Variants in EMC10 observed in about 807,000 individuals in gnomAD.
EMC10 encodes UPF0510 protein INM02.
Under a neutral mutation model 32.2 loss-of-function variants are expected in EMC10, and 40 were observed. The observed-to-expected ratio is 1.24, with a 90% CI of 0.96 to 1.61. The LOEUF (loss-of-function observed/expected upper bound fraction) is 1.61, where lower values mean the gene tolerates loss of function less well. Ranked by LOEUF, EMC10 falls within the 40% of genes most tolerant of loss-of-function variation. The pLI is 0.00. For missense variants in EMC10, 402 were observed against 357.7 expected, an observed-to-expected ratio of 1.12 and a Z score of -1.00; for synonymous variants, 178 against 158.4, an observed-to-expected ratio of 1.12 and a Z score of -0.93.
rs956930981 is a variant in EMC10, at chr19:50,489,039, G to C, written c.*6780G>C. 3.4e-5 allele frequency: 5 copies of C among 146,840 alleles called. No individual in the cohort carries two copies. Among genetic ancestry groups the C allele is most frequent in the African/African-American group, 1.4e-4 (5 of 36,946 alleles). 9.1% of individuals were successfully genotyped at this position (146,840 alleles called of 1,614,324 possible). The stretch of plus-strand genomic sequence containing the variant: ...GGAGAGAGAAAGAGGGAGGGAAGGA[G>C]GGTAGGAGAGGGCTGGAGATAGGGG... On this transcript the variant is annotated 3_prime_UTR_variant, in exon 7 of 7. Coordinates refer to ENST00000334976, the MANE Select transcript of EMC10 (RefSeq NM_206538.4).
At position 50,476,869 on chromosome 19, in the gene EMC10, C is replaced by T. The variant is rs2040233396; in HGVS notation, c.114+211C>T. 4 of 451,520 alleles carry T rather than the reference C, an allele frequency of 8.9e-6. No individual in the cohort carries two copies. The Admixed American group carries it at 1.6e-4, about 18-fold the overall frequency. 28.0% of individuals were successfully genotyped at this position (451,520 alleles called of 1,614,324 possible). On this transcript the variant is annotated intron_variant, in intron 1 of 6. Coordinates refer to ENST00000334976, the MANE Select transcript of EMC10 (RefSeq NM_206538.4). ...GGACTGGGTGGGAGGACAAGCGCAC[C>T]TGTCGGAAGGCTCTGGCTCGGGAAT...
Position 50,480,731 on chromosome 19 carries a change from GTGCAGCTGCAGC to G in EMC10, c.554_565del (p.Val185_Pro189delinsAla). 6.2e-7 allele frequency: 1 copy of G among 1,602,164 alleles called. No homozygotes were observed. The highest frequency in any genetic ancestry group is 1.7e-4 in the Middle Eastern group (1 of 6,012). On this transcript the variant is annotated inframe_deletion, in exon 5 of 7. Transcript: ENST00000334976. The surrounding 1 kb of genome is among the most constrained non-coding windows in gnomAD (Gnocchi z 4.4). ...GGACCTGGAGCTGTTCAACACCTCG[GTGCAGCTGCAGC>G]CGCCCACCACAGCCCCAGGGTGAGC...
Position 50,484,657 on chromosome 19 carries a change from G to A in EMC10, c.*2398G>A, listed in dbSNP as rs149067861. On this transcript the variant is annotated 3_prime_UTR_variant, in exon 7 of 7. Transcript: ENST00000334976. The stretch of plus-strand genomic sequence containing the variant: ...ATTGACCGGGTTATCCAGGGATGAA[G>A]TATGAAACTCAAAAGATAGAGTAGG... 1.5e-3 allele frequency: 232 copies of A among 152,228 alleles called. No homozygotes were observed. Among genetic ancestry groups the A allele is most frequent in the African/African-American group, 5.3e-3 (221 of 41,528 alleles). The allele number at this position is 152,228 out of a possible 1,614,324, so 9.4% of individuals were successfully genotyped here. A position where few individuals can be genotyped will look rare whatever the true frequency, so the allele number is the denominator to read the frequency against.
Position 50,488,413 on chromosome 19 carries a change from G to A in EMC10, c.*6154G>A, listed in dbSNP as rs55780761. ...AGTGGAAAGAGAAGAAAAAACAGAAGAGGAAAGAAAGACGAGGGGGTGAAA... is the reference window on the plus strand; with the variant it reads ...AGTGGAAAGAGAAGAAAAAACAGAAAAGGAAAGAAAGACGAGGGGGTGAAA... On this transcript the variant is annotated 3_prime_UTR_variant, in exon 7 of 7. Transcript: ENST00000334976. The A allele has an allele frequency of 0.33, 48,952 of 149,626 alleles. 8,209 individuals carry two copies. Among genetic ancestry groups the A allele is most frequent in the South Asian group, 0.42 (1,958 of 4,676 alleles). 9.3% of individuals were successfully genotyped at this position (149,626 alleles called of 1,614,324 possible).
rs1200713304 is a variant in EMC10, at chr19:50,480,498, G to T, written c.403-83G>T. The T allele has an allele frequency of 6.8e-7, 1 of 1,468,132 alleles. No individual in the cohort carries two copies. The highest frequency in any genetic ancestry group is 9.2e-7 in the Non-Finnish European group (1 of 1,089,588). The allele number at this position is 1,468,132 out of a possible 1,614,324, so 90.9% of individuals were successfully genotyped here. On this transcript the variant is annotated intron_variant, in intron 4 of 6. Coordinates refer to ENST00000334976, the MANE Select transcript of EMC10 (RefSeq NM_206538.4). This position sits in a 1 kb window ranked among gnomAD's most constrained non-coding sequence, Gnocchi z 4.4. Reference sequence around the variant, plus strand: ...GAAGGTTTTGAAAAATGCTCCGGGGGTCCTGTGGTGGGGGCCGGGGGAGGT... The same window carrying T: ...GAAGGTTTTGAAAAATGCTCCGGGGTTCCTGTGGTGGGGGCCGGGGGAGGT...
chr19:50,479,041 GCGAGGA>G lies in EMC10; in HGVS notation c.273_278del (p.Ser91_Glu93delinsArg). On this transcript the variant is annotated inframe_deletion, in exon 3 of 7. Coordinates refer to ENST00000334976, the MANE Select transcript of EMC10 (RefSeq NM_206538.4). The stretch of plus-strand genomic sequence containing the variant: ...TTGTCCCTGTCACAGCGGCAGCTCA[GCGAGGA>G]GGAGCGGGGCCGACTCCGGGTGAGG... 2 of 1,608,252 alleles carry G rather than the reference GCGAGGA, an allele frequency of 1.2e-6. No homozygotes were observed. The highest frequency in any genetic ancestry group is 1.7e-6 in the Non-Finnish European group (2 of 1,178,348).
rs1174518650 is a variant in EMC10 at position 50,480,435 on chromosome 19, C to T, written c.403-146C>T. On this transcript the variant is annotated intron_variant, in intron 4 of 6. Coordinates refer to ENST00000334976, the MANE Select transcript of EMC10 (RefSeq NM_206538.4). This position sits in a 1 kb window ranked among gnomAD's most constrained non-coding sequence, Gnocchi z 4.4. ...ATTGTGAGGACTCCCGGGTGGGGGGCGGTTGAACTTGGGCCTGAGGGTAAC... is the reference window on the plus strand; with the variant it reads ...ATTGTGAGGACTCCCGGGTGGGGGGTGGTTGAACTTGGGCCTGAGGGTAAC... 1.4e-5 allele frequency: 15 copies of T among 1,042,156 alleles called. No individual in the cohort carries two copies. The Middle Eastern group carries it at 6.6e-4, about 46-fold the overall frequency. The allele number at this position is 1,042,156 out of a possible 1,614,324, so 64.6% of individuals were successfully genotyped here.
Position 50,476,512 on chromosome 19 carries a change from C to G in EMC10, c.-33C>G. ...GGCGTGCTCCGCGGCTCTTGGCTCA[C>G]AGCCGTCCCTTCGCTGGTGGGAAGA... On this transcript the variant is annotated 5_prime_UTR_variant, in exon 1 of 7. Transcript: ENST00000334976. 6.4e-7 allele frequency: 1 copy of G among 1,570,544 alleles called. No homozygotes were observed. Among genetic ancestry groups the G allele is most frequent in the Non-Finnish European group, 8.6e-7 (1 of 1,163,934 alleles).
chr19:50,481,668 G>T, intron 6 of EMC10: 1 of 579,014 alleles, frequency 1.7e-6, no homozygotes, highest in Non-Finnish European at 3.0e-6. Context: ...TGTGCTGAGT[G>T]CCCTGCCTGA....
rs762821862 is a variant in EMC10 at position 50,480,782 on chromosome 19, G to A, written c.584+20G>A. ...CCCAGGGTGAGCCTCTGCTGCCTTC[G>A]CGGCGCTCTTGCCACCTGCCCCGGC... On this transcript the variant is annotated intron_variant, in intron 5 of 6. Coordinates refer to ENST00000334976, the MANE Select transcript of EMC10 (RefSeq NM_206538.4). The surrounding 1 kb of genome is among the most constrained non-coding windows in gnomAD (Gnocchi z 4.4). 12 of 1,572,436 alleles carry A rather than the reference G, an allele frequency of 7.6e-6. No individual in the cohort carries two copies. Among genetic ancestry groups the A allele is most frequent in the South Asian group, 3.5e-5 (3 of 84,692 alleles).
intron 1 of EMC10, 129 bp from the exon 2 acceptor site, chr19:50,477,800 C>G: frequency 1.6e-6 from 1 of 613,738 alleles, no homozygotes; most frequent in Non-Finnish European, 2.8e-6. Context: ...TAAAGGCAAG[C>G]AGCAGTGATT....
chr19:50,479,985 C>T (rs2040290666), intron 3 of EMC10, 126 bp from the exon 4 acceptor site: 1 of 755,274 alleles, frequency 1.3e-6, no homozygotes, highest in African/African-American at 1.8e-5. Flanking sequence ...GTTGGCTGGC[C>T]TGGGGAGTGT....
Position 50,480,144 on chromosome 19 carries a change from C to T in EMC10, c.331C>T (p.Arg111Trp), listed in dbSNP as rs569914780. 24 of 1,613,202 alleles carry T rather than the reference C, an allele frequency of 1.5e-5. No individual in the cohort carries two copies. Among genetic ancestry groups the T allele is most frequent in the South Asian group, 5.5e-5 (5 of 90,746 alleles). ...VAALNGLYRV[R>W]IPRRPGALDG... ...AGCCCTGAATGGCCTGTACCGGGTC[C>T]GGATCCCAAGGCGACCCGGGGCCCT... Residue 111 changes from arginine to tryptophan, a missense_variant, in exon 4 of 7, where the codon CGG becomes TGG. Arg to Trp is a moderately radical substitution (Grantham distance 101, BLOSUM62 -3). Transcript: ENST00000334976. This position sits in a 1 kb window ranked among gnomAD's most constrained non-coding sequence, Gnocchi z 4.4.
chr19:50,480,821 C>T lies in EMC10; in HGVS notation c.584+59C>T. ...ACCTGCCCCGGCCCTTCCTGGCGGCCTCAGGGTCTCCAGGTCCCTGGACTC... is the reference window on the plus strand; with the variant it reads ...ACCTGCCCCGGCCCTTCCTGGCGGCTTCAGGGTCTCCAGGTCCCTGGACTC... On this transcript the variant is annotated intron_variant, in intron 5 of 6. Transcript: ENST00000334976. The surrounding 1 kb of genome is among the most constrained non-coding windows in gnomAD (Gnocchi z 4.4). The T allele has an allele frequency of 1.3e-6, 2 of 1,567,052 alleles. No individual in the cohort carries two copies. Among genetic ancestry groups the T allele is most frequent in the Non-Finnish European group, 1.7e-6 (2 of 1,153,394 alleles).
At chr19:50,477,890 T>TG (rs1376808808) in intron 1 of EMC10, 39 bp from the exon 2 acceptor site, 2 of 1,562,438 alleles carry the variant, frequency 1.3e-6, no homozygotes, top group African/African-American at 2.8e-5. Flanking sequence ...GCTGAGGGCT[T>TG]GGGTGGTCCT....
rs1978473950 is a variant in EMC10, at chr19:50,488,544, G to T, written c.*6285G>T. ...GAAGGAGGGAGCGTCCTAGGGAGAA[G>T]TGGGTGGGGGAGAGGGTGTTGGGGG... On this transcript the variant is annotated 3_prime_UTR_variant, in exon 7 of 7. Coordinates refer to ENST00000334976, the MANE Select transcript of EMC10 (RefSeq NM_206538.4). 6.9e-6 allele frequency: 1 copy of T among 144,608 alleles called. No homozygotes were observed. Among genetic ancestry groups the T allele is most frequent in the South Asian group, 2.3e-4 (1 of 4,336 alleles). 9.0% of individuals were successfully genotyped at this position (144,608 alleles called of 1,614,324 possible).
At chr19:50,481,483 G>C in intron 6 of EMC10, 1 of 268,044 alleles carries the variant, frequency 3.7e-6, no homozygotes. Context: ...GCGTGGGGTG[G>C]GGAGGCTGGG....
At chr19:50,481,967 C>T (rs368997833) in intron 6 of EMC10, 182 bp from the exon 7 acceptor site, 7 of 1,607,002 alleles carry the variant, frequency 4.4e-6, no homozygotes, top group East Asian at 2.2e-5. Flanking sequence ...GAGACCCCTG[C>T]CCCTCCCTGC....
chr19:50,481,944 C>G (rs1253189066), intron 6 of EMC10: 10 of 1,608,298 alleles, frequency 6.2e-6, no homozygotes, highest in Non-Finnish European at 8.5e-6. Context: ...CACAGGAGGC[C>G]TGAGTGAGGA....
Sources: allele counts gnomAD v4.1 joint callset, GRCh38; gene constraint gnomAD v4.1.1; non-coding constraint Gnocchi (gnomAD v3.1); transcripts MANE v1.5; gene names NCBI Gene and HGNC (gene_info 2026-07-23, HGNC 2026-07-21).